C5: variants seen among roughly 807,000 people sequenced by gnomAD.
The protein encoded by C5 is C3 and PZP-like alpha-2-macroglobulin domain-containing protein 4.
A neutral mutation model predicts 218.8 loss-of-function variants in C5; 140 were observed. That is an observed-to-expected ratio of 0.64 (90% CI 0.56 to 0.74). C5 has a LOEUF of 0.74. C5 is among the 30% of genes least tolerant of loss of function. The probability of loss-of-function intolerance (pLI) is 0.00; values close to 1 mark genes in which losing one functional copy is unlikely to be tolerated. For missense variants in C5, 1,700 were observed against 1,969.6 expected, an observed-to-expected ratio of 0.86 and a Z score of 2.59; for synonymous variants, 614 against 682.3, an observed-to-expected ratio of 0.90 and a Z score of 1.56.
chr9:120,966,193 T>C (rs1191692947), intron 33 of C5, among the ~76,000 whole-genome samples: 1 of 152,234 alleles, frequency 6.6e-6, no homozygotes, highest in African/African-American at 2.4e-5. Context: ...CCCGCCTTTC[T>C]GGAACATTTT....
At chr9:121,062,426 G>A in the C5 span, among the ~76,000 whole-genome samples, 6 of 152,218 alleles carry the variant, frequency 3.9e-5, no homozygotes, top group East Asian at 1.9e-4. Flanking sequence ...GCCCTTCTGC[G>A]TGTGGGGTTT....
At chr9:121,012,205 A>G (rs918216089) in intron 17 of C5, among the ~76,000 whole-genome samples, 2 of 152,174 alleles carry the variant, frequency 1.3e-5, no homozygotes, top group Non-Finnish European at 2.9e-5. Context: ...GCATTCCTGT[A>G]TCAAAGTATC....
chr9:120,976,736 T>C lies in C5; in HGVS notation c.3828A>G (p.Glu1276=). The change falls in exon 29 of 41, where the codon GAA becomes GAG. Residue 1276 remains glutamate (E), a synonymous_variant. Coordinates refer to ENST00000223642, the MANE Select transcript of C5 (RefSeq NM_001735.3). ...AAAAGCCACCTCCATACCTCTGCTC[T>C]TCTGATAGCCATTTGATGACTGGGT... The part of the protein sequence containing the change: ...YVNPVIKWLS[E]EQRYGGGFYS... The C allele has an allele frequency of 3.1e-6, 5 of 1,614,178 alleles. No homozygotes were observed. Among genetic ancestry groups the C allele is most frequent in the Non-Finnish European group, 4.2e-6 (5 of 1,180,022 alleles).
intron 22 of C5, among the ~76,000 whole-genome samples, chr9:120,992,190 T>G (rs1268250626): frequency 6.6e-6 from 1 of 152,218 alleles, no homozygotes; most frequent in African/African-American, 2.4e-5. Context: ...ATTTTGCAAT[T>G]TAATGGACAA....
In C5 at chr9:121,007,716, C is replaced by T. The variant is rs41309878; in HGVS notation, c.2348+692G>A. Among the ~76,000 whole-genome samples the T allele has an allele frequency of 8.4e-3, 1,286 of 152,290 alleles. 25 individuals are homozygous for T. The highest frequency in any genetic ancestry group is 0.029 in the African/African-American group (1,217 of 41,568). Reference sequence around the variant, plus strand: ...TTATAATACAATATGATACACACAACAGGGTTAATTGAGGGTGCAATTAAT... The same window carrying T: ...TTATAATACAATATGATACACACAATAGGGTTAATTGAGGGTGCAATTAAT... On this transcript the variant is annotated intron_variant, in intron 18 of 40. Coordinates refer to ENST00000223642, the MANE Select transcript of C5 (RefSeq NM_001735.3).
At chr9:120,954,456 G>T (rs2046770508) in intron 39 of C5, among the ~76,000 whole-genome samples, 1 of 152,190 alleles carries the variant, frequency 6.6e-6, no homozygotes, top group Non-Finnish European at 1.5e-5. Flanking sequence ...TCCTCCCCAT[G>T]TTGGCCTCTT....
At chr9:121,036,293 T>C (rs1284295258) in intron 4 of C5, among the ~76,000 whole-genome samples, 1 of 152,218 alleles carries the variant, frequency 6.6e-6, no homozygotes, top group Non-Finnish European at 1.5e-5. Flanking sequence ...GGTACTATTT[T>C]GAGGATACTT....
chr9:121,016,769 C>CACAA (rs2047310816), intron 14 of C5, among the ~76,000 whole-genome samples: 1 of 152,106 alleles, frequency 6.6e-6, no homozygotes, highest in Non-Finnish European at 1.5e-5. Context: ...GCTTTAAAAG[C>CACAA]ACAACTTTGT....
rs1419388662 is a variant in C5 at position 120,986,588 on chromosome 9, C to G, written c.3230+2458G>C. ...TCTTGCCCCAAACTCTTGAAAGGCT[C>G]TGAGTGTTTACTGAGAGGCTGTTGT... is the stretch of plus-strand genomic sequence containing the variant. On this transcript the variant is annotated intron_variant, in intron 25 of 40. Coordinates refer to ENST00000223642, the MANE Select transcript of C5 (RefSeq NM_001735.3). Among the ~76,000 whole-genome samples the G allele has an allele frequency of 2.8e-5, 4 of 144,846 alleles. No homozygotes were observed. The East Asian group carries it at 7.7e-4, about 28-fold the overall frequency.
chr9:121,000,418 T>C (rs1469434020), intron 20 of C5, among the ~76,000 whole-genome samples: 1 of 152,092 alleles, frequency 6.6e-6, no homozygotes, highest in Non-Finnish European at 1.5e-5. Context: ...TAACCACAAA[T>C]CTATGGTACT....
At chr9:121,003,207 C>T (rs1005244803) in intron 20 of C5, among the ~76,000 whole-genome samples, 1 of 152,012 alleles carries the variant, frequency 6.6e-6, no homozygotes, top group Non-Finnish European at 1.5e-5. Context: ...AGGAGAATCA[C>T]TTGAACTTGG....
At chr9:120,999,691 T>C (rs1165226591) in intron 20 of C5, 1 of 224,552 alleles carries the variant, frequency 4.5e-6, no homozygotes, top group Admixed American at 5.4e-5. Context: ...AATATTTTTA[T>C]TAATAAAGTA....
intron 20 of C5, among the ~76,000 whole-genome samples, chr9:121,002,246 ATATATATG>A (rs1224217851): frequency 3.9e-3 from 163 of 41,688 alleles, no homozygotes; most frequent in East Asian, 0.022. Flanking sequence ...ATGTATATGT[ATATATATG>A]TATATATGTA....
Position 120,952,817 on chromosome 9 carries a change from G to A in C5, c.4953C>T (p.Asp1651=), listed in dbSNP as rs780210834. The A allele has an allele frequency of 6.2e-7, 1 of 1,613,702 alleles. No individual in the cohort carries two copies. The highest frequency in any genetic ancestry group is 8.5e-7 in the Non-Finnish European group (1 of 1,179,630). ...ATGCTTGACACGATGAACATGTTGT[G>A]TCTCTAGGCCAGTATTCAATCCAGG... ...SLTWIEYWPR[D]TTCSSCQAFL... The change falls in exon 41 of 41, where the codon GAC becomes GAT. Residue 1651 remains aspartate, a synonymous_variant. Coordinates refer to ENST00000223642, the MANE Select transcript of C5 (RefSeq NM_001735.3).
chr9:121,000,815 A>T (rs2047155783), intron 20 of C5, among the ~76,000 whole-genome samples: 1 of 151,996 alleles, frequency 6.6e-6, no homozygotes, highest in Non-Finnish European at 1.5e-5. Context: ...TCATTTTTTG[A>T]TCTTTACCCT....
In C5 at chr9:120,970,220, G is replaced by A. The variant is rs1172690240; in HGVS notation, c.4112C>T (p.Ser1371Phe). 7 of 1,613,320 alleles carry A rather than the reference G, an allele frequency of 4.3e-6. No homozygotes were observed. The highest frequency in any genetic ancestry group is 1.6e-4 in the Middle Eastern group (1 of 6,080). Reference protein sequence around the residue: ...VTTVVHKTSTSEEVCSFYLKI... With the variant: ...VTTVVHKTSTFEEVCSFYLKI... ...CAAATAAAAGCTGCAAACTTCCTCA[G>A]AGGTACTGGTTTTGTGAACTACAGT... The change falls in exon 32 of 41, where the codon TCT becomes TTT. Residue 1371 changes from serine to phenylalanine, a missense_variant. Ser to Phe is a radical substitution (Grantham distance 155, BLOSUM62 -2). Transcript: ENST00000223642.
chr9:121,040,781 C>G (rs1564164020), intron 3 of C5, among the ~76,000 whole-genome samples: 1 of 152,124 alleles, frequency 6.6e-6, no homozygotes, highest in Non-Finnish European at 1.5e-5. Context: ...TCATACAGCT[C>G]ACAGCAGCTC....
intron 12 of C5, among the ~76,000 whole-genome samples, chr9:121,019,676 A>C (rs906588494): frequency 7.9e-5 from 12 of 152,192 alleles, no homozygotes; most frequent in Non-Finnish European, 1.8e-4. Context: ...CTTTGGTAAA[A>C]AGTGTTATTA....
chr9:121,019,846 C>CAA, intron 12 of C5, 130 bp downstream of exon 12: 2 of 655,836 alleles, frequency 3.0e-6, no homozygotes, highest in Non-Finnish European at 5.4e-6. Flanking sequence ...AACTGATGTT[C>CAA]AAGTTAGATG....
Sources: allele counts gnomAD v4.1 joint callset (sites outside exome capture counted in the v4.1 genomes callset), GRCh38; gene constraint gnomAD v4.1.1; transcripts MANE v1.5; gene names NCBI Gene and HGNC (gene_info 2026-07-23, HGNC 2026-07-21).